TMEM200A: variants seen among roughly 807,000 people sequenced by gnomAD.
TMEM200A encodes transmembrane protein 200A, also known as two transmembrane C.
In TMEM200A, 12 loss-of-function variants were observed where a neutral mutation model predicts 24.3. The ratio of observed to expected loss-of-function variants is 0.49; its 90% confidence interval spans 0.32 to 0.80. The LOEUF (loss-of-function observed/expected upper bound fraction) is 0.80. TMEM200A is among the 30% of genes least tolerant of loss of function. TMEM200A has a pLI of 0.04. For synonymous variants in TMEM200A, 224 were observed against 224.4 expected (o/e 1.00, Z 0.02); for missense variants, 545 against 614.4 (o/e 0.89, Z 1.19).
chr6:130,418,656 A>G (rs943351834), intron 2 of TMEM200A, among the ~76,000 whole-genome samples: 4 of 152,142 alleles, frequency 2.6e-5, no homozygotes, highest in Admixed American at 6.6e-5. Context: ...CATGACAGCA[A>G]TGTAGCATTG....
chr6:130,420,683 C>T (rs2115180800), intron 2 of TMEM200A, among the ~76,000 whole-genome samples: 1 of 152,212 alleles, frequency 6.6e-6, no homozygotes, highest in Non-Finnish European at 1.5e-5. Context: ...CATTCTTCAG[C>T]CTCGGGTCCT....
At position 130,440,513 on chromosome 6, in the gene TMEM200A, T is replaced by G; in HGVS notation, c.91T>G (p.Ser31Ala). 2 of 1,614,032 alleles carry G rather than the reference T, an allele frequency of 1.2e-6. No individual in the cohort carries two copies. The highest frequency in any genetic ancestry group is 1.7e-6 in the Non-Finnish European group (2 of 1,179,948). ...ACAGCAGCATGTCAACCTCAGCCCG[T>G]CTCCTGCTACCCAAGAGAAGAAGCC... ...RSQQHVNLSP[S>A]PATQEKKPIR... Residue 31 changes from serine (S) to alanine (A), a missense_variant, in exon 3 of 3, where the codon TCT becomes GCT. Transcript: ENST00000296978.
rs1379721486 is a variant in TMEM200A, at chr6:130,409,175, T to G, written c.-17+23939T>G. 2.0e-5 allele frequency among the ~76,000 whole-genome samples: 3 copies of G among 152,332 alleles called. No individual in the cohort carries two copies. In the East Asian group the frequency reaches 5.8e-4, roughly 29 times the overall value. ...TTCTCTACCTTTTCCTGCACCCTCT[T>G]TTCTTTATCTGTCACAGGTGTTTTC... On this transcript the variant is annotated intron_variant, in intron 2 of 2. Transcript: ENST00000296978.
intron 1 of TMEM200A, among the ~76,000 whole-genome samples, chr6:130,377,748 T>A (rs939470334): frequency 6.6e-6 from 1 of 152,206 alleles, no homozygotes; most frequent in African/African-American, 2.4e-5. Flanking sequence ...GGAAATATAA[T>A]CTGAAACAAA....
intron 2 of TMEM200A, among the ~76,000 whole-genome samples, chr6:130,399,633 ATTTCTTC>A (rs1212198734): frequency 4.0e-5 from 5 of 123,822 alleles, no homozygotes; most frequent in Admixed American, 3.0e-4. Flanking sequence ...TTCTATTTTT[ATTTCTTC>A]TTTTATTTAT....
intron 2 of TMEM200A, 47 bp from the exon 3 acceptor site, chr6:130,440,360 C>T (rs1780126079): frequency 6.7e-7 from 1 of 1,486,694 alleles, no homozygotes; most frequent in South Asian, 1.5e-5. Flanking sequence ...GCTCATACCC[C>T]AGGAACATAT....
intron 2 of TMEM200A, among the ~76,000 whole-genome samples, chr6:130,428,880 CAGT>C (rs1317753804): frequency 1.3e-5 from 2 of 152,102 alleles, no homozygotes; most frequent in Non-Finnish European, 2.9e-5. Flanking sequence ...GCACAAAAAT[CAGT>C]AGCCTTCCTA....
chr6:130,379,699 A>G (rs1273587933), intron 1 of TMEM200A, among the ~76,000 whole-genome samples: 1 of 152,228 alleles, frequency 6.6e-6, no homozygotes, highest in African/African-American at 2.4e-5. Context: ...AGTATGGGGC[A>G]CATTAAATTT....
Position 130,366,443 on chromosome 6 carries a change from C to G in TMEM200A, c.-162C>G. 4.1e-6 allele frequency: 4 copies of G among 985,594 alleles called. No homozygotes were observed. The highest frequency in any genetic ancestry group is 4.8e-6 in the Non-Finnish European group (4 of 830,072). The allele number at this position is 985,594 out of a possible 1,614,324, so 61.1% of individuals were successfully genotyped here. A position where few individuals can be genotyped will look rare whatever the true frequency, so the allele number is the denominator to read the frequency against. On this transcript the variant is annotated 5_prime_UTR_variant, in exon 1 of 3. Transcript: ENST00000296978. This position sits in a 1 kb window ranked among gnomAD's most constrained non-coding sequence, Gnocchi z 4.4. ...TTCGTCCGCCTCCAGAGGCGCCCGA[C>G]GTCCCGACAGCTCCTGGAGTGAGAC...
chr6:130,437,074 T>C (rs1377165478), intron 2 of TMEM200A: 2 of 152,182 alleles, frequency 1.3e-5, no homozygotes, highest in East Asian at 3.9e-4. Context: ...ACAACAGCAG[T>C]ATTTATGTCT....
At chr6:130,425,342 C>T (rs1006863677) in intron 2 of TMEM200A, among the ~76,000 whole-genome samples, 1 of 152,152 alleles carries the variant, frequency 6.6e-6, no homozygotes, top group African/African-American at 2.4e-5. Flanking sequence ...GAGTTGGAGT[C>T]TGCTTTCTAA....
At chr6:130,389,159 TG>T (rs1778779195) in intron 2 of TMEM200A, among the ~76,000 whole-genome samples, 1 of 152,142 alleles carries the variant, frequency 6.6e-6, no homozygotes, top group South Asian at 2.1e-4. Flanking sequence ...GATCTTGTAA[TG>T]TAGTCCCCTG....
chr6:130,365,936 C>A (rs1353945205), upstream of TMEM200A: 4 of 984,822 alleles, frequency 4.1e-6, no homozygotes, highest in Non-Finnish European at 4.8e-6. Flanking sequence ...CGCGCAGCCA[C>A]GCCCCTGGAA....
At chr6:130,419,209 T>G (rs938376971) in intron 2 of TMEM200A, among the ~76,000 whole-genome samples, 2 of 152,188 alleles carry the variant, frequency 1.3e-5, no homozygotes, top group African/African-American at 4.8e-5. Context: ...CTTAACATAA[T>G]GACCTCCAGT....
At chr6:130,400,525 T>G (rs1009035315) in intron 2 of TMEM200A, among the ~76,000 whole-genome samples, 15 of 152,008 alleles carry the variant, frequency 9.9e-5, no homozygotes, top group African/African-American at 3.6e-4. Context: ...GATTTTTTTT[T>G]TTTTTAATTG....
upstream of TMEM200A, chr6:130,365,807 G>A (rs1778121658): frequency 1.0e-6 from 1 of 985,368 alleles, no homozygotes; most frequent in African/African-American, 1.7e-5. Context: ...CGGATCGGCC[G>A]GCCTGGGCTC....
intron 2 of TMEM200A, among the ~76,000 whole-genome samples, chr6:130,435,054 GAAA>G (rs200828377): frequency 1.0e-4 from 14 of 135,070 alleles, no homozygotes; most frequent in Admixed American, 2.2e-4. Context: ...CACTGGGAAT[GAAA>G]AAAAAAAAAA....
intron 1 of TMEM200A, among the ~76,000 whole-genome samples, chr6:130,384,666 C>T (rs1778673577): frequency 6.6e-6 from 1 of 152,168 alleles, no homozygotes; most frequent in Admixed American, 6.5e-5. Context: ...TGTGACACTT[C>T]AAACTTTCCT....
intron 2 of TMEM200A, among the ~76,000 whole-genome samples, chr6:130,397,737 G>C (rs936000418): frequency 2.0e-5 from 3 of 151,136 alleles, no homozygotes; most frequent in African/African-American, 7.3e-5. Context: ...TATTTTGTTT[G>C]TCTTTTCACC....
Sources: allele counts gnomAD v4.1 joint callset (sites outside exome capture counted in the v4.1 genomes callset), GRCh38; gene constraint gnomAD v4.1.1; non-coding constraint Gnocchi (gnomAD v3.1); transcripts MANE v1.5; gene names NCBI Gene and HGNC (gene_info 2026-07-23, HGNC 2026-07-21).